The following ZNF441 variants were observed in gnomAD, a reference collection of about 807,000 sequenced individuals.
ZNF441 encodes the protein zinc finger protein 441.
Under a neutral mutation model 64.5 loss-of-function variants are expected in ZNF441, and 25 were observed. That is an observed-to-expected ratio of 0.39 (90% CI 0.28 to 0.54). The LOEUF (loss-of-function observed/expected upper bound fraction) is 0.54, where lower values mean the gene tolerates loss of function less well. Among genes scored for constraint, ZNF441 ranks in the 20% least tolerant of loss-of-function variants. The pLI, the probability that ZNF441 is intolerant of heterozygous loss-of-function variation, is 0.70. For missense variants in ZNF441, 715 were observed against 843.3 expected (o/e 0.85, Z 1.88); for synonymous variants, 262 against 268.0 (o/e 0.98, Z 0.22).
In ZNF441 at chr19:11,779,354, G is replaced by A. The variant is rs1427636213; in HGVS notation, c.195-665G>A. 1.3e-5 allele frequency among the ~76,000 whole-genome samples: 2 copies of A among 149,134 alleles called. 1 individual carries two copies. ...AAAAAAAAAGAAAAAGAAAAAGAAA[G>A]GCTGGGTATGGTGGCTCACCCTTGT... On this transcript the variant is annotated intron_variant, in intron 3 of 3. Coordinates refer to ENST00000357901, the MANE Select transcript of ZNF441 (RefSeq NM_152355.3).
rs1177459230 is a variant in ZNF441 at position 11,783,530 on chromosome 19, C to T, written c.*1624C>T. ...AAAGATATGGAATTAACCTAAGCAT[C>T]CATCAGTGGACACAGGGATAAAGAA... On this transcript the variant is annotated 3_prime_UTR_variant, in exon 4 of 4. Transcript: ENST00000357901. 6.6e-6 allele frequency: 1 copy of T among 152,152 alleles called. No individual in the cohort carries two copies. Among genetic ancestry groups the T allele is most frequent in the Non-Finnish European group, 1.5e-5 (1 of 68,030 alleles). The allele number at this position is 152,152 out of a possible 1,614,324, so 9.4% of individuals were successfully genotyped here. A position where few individuals can be genotyped will look rare whatever the true frequency, so the allele number is the denominator to read the frequency against.
chr19:11,769,492 A>G (rs1046374175), intron 1 of ZNF441, among the ~76,000 whole-genome samples: 3 of 152,136 alleles, frequency 2.0e-5, no homozygotes, highest in African/African-American at 7.2e-5. Flanking sequence ...CCTGATTACT[A>G]TAGTCTTCAA....
intron 1 of ZNF441, among the ~76,000 whole-genome samples, chr19:11,774,218 A>G (rs1245272539): frequency 1.3e-5 from 2 of 152,176 alleles, no homozygotes; most frequent in East Asian, 1.9e-4. Context: ...GAATTCCTCT[A>G]TTGTATTGCC....
intron 1 of ZNF441, among the ~76,000 whole-genome samples, chr19:11,776,532 A>G (rs1163476164): frequency 1.3e-5 from 2 of 152,220 alleles, no homozygotes; most frequent in East Asian, 3.8e-4. Flanking sequence ...GGGAAATATT[A>G]TAGATATTCA....
In ZNF441 at chr19:11,781,465, A is replaced by C; in HGVS notation, c.1641A>C (p.Gln547His). The change falls in exon 4 of 4, where the codon CAA becomes CAC. Residue 547 changes from glutamine (Q) to histidine (H), a missense_variant. This residue lies in a region of ZNF441 where 316 missense variants were observed against 429.3 expected (regional missense o/e 0.74). Coordinates refer to ENST00000357901, the MANE Select transcript of ZNF441 (RefSeq NM_152355.3). ...GCTTCAGGTCTTCCAGTTACATTCA[A>C]CTACATGAAAGGACTCACACTGGAG... ...GKGFRSSSYI[Q>H]LHERTHTGEK... 6.2e-7 allele frequency: 1 copy of C among 1,614,132 alleles called. No homozygotes were observed. Among genetic ancestry groups the C allele is most frequent in the Non-Finnish European group, 8.5e-7 (1 of 1,180,006 alleles).
rs1278416431 is a variant in ZNF441 at position 11,781,544 on chromosome 19, T to G, written c.1720T>G (p.Phe574Val). ...CGKALSDLSS[F>V]RRHMITHTGN... ...GAAAGCATTATCTGATCTCTCAAGC[T>G]TTCGAAGACACATGATAACACATAC... The change falls in exon 4 of 4, where the codon TTT becomes GTT. Residue 574 changes from phenylalanine to valine, a missense_variant. Transcript: ENST00000357901. The G allele has an allele frequency of 3.7e-6, 6 of 1,613,944 alleles. No individual in the cohort carries two copies. The African/African-American group carries it at 8.0e-5, about 22-fold the overall frequency.
intron 1 of ZNF441, among the ~76,000 whole-genome samples, chr19:11,773,382 A>G (rs559032807): frequency 2.0e-5 from 3 of 152,332 alleles, no homozygotes; most frequent in East Asian, 1.9e-4. Context: ...CTATCTTGGT[A>G]TATACTTCAT....
At position 11,767,102 on chromosome 19, in the gene ZNF441, G is replaced by A. The variant is rs1975276167; in HGVS notation, c.-92G>A. ...GCTCCGGGTTCTGTCACTGAGAGAC[G>A]CCCTGGAACGTCTGTGGCAGCTTCT... On this transcript the variant is annotated 5_prime_UTR_variant, in exon 1 of 4. Coordinates refer to ENST00000357901, the MANE Select transcript of ZNF441 (RefSeq NM_152355.3). This position sits in a 1 kb window ranked among gnomAD's most constrained non-coding sequence, Gnocchi z 5.1. 1 of 1,544,086 alleles carries A rather than the reference G, an allele frequency of 6.5e-7. No individual in the cohort carries two copies. The highest frequency in any genetic ancestry group is 8.8e-7 in the Non-Finnish European group (1 of 1,140,544).
At chr19:11,768,563 G>T (rs1290472833) in intron 1 of ZNF441, among the ~76,000 whole-genome samples, 1 of 152,178 alleles carries the variant, frequency 6.6e-6, no homozygotes, top group Non-Finnish European at 1.5e-5. Context: ...TTTCAGAGCT[G>T]CCTGGGGCCA....
chr19:11,781,322 G>A lies in ZNF441; in HGVS notation c.1498G>A (p.Asp500Asn), dbSNP rs145691237. The stretch of plus-strand genomic sequence containing the variant: ...GAGACACATGATAATGCACACTGGA[G>A]ATGGACCTCATAAATGTAAGATATG... ...FQRHMIMHTGDGPHKCKICGK... is the reference protein window; with the variant it reads ...FQRHMIMHTGNGPHKCKICGK... Residue 500 changes from aspartate (D) to asparagine (N), a missense_variant, in exon 4 of 4, where the codon GAT becomes AAT. Physicochemically the swap from Asp to Asn is conservative, Grantham distance 23. Transcript: ENST00000357901. 74 of 1,613,704 alleles carry A rather than the reference G, an allele frequency of 4.6e-5. No homozygotes were observed. In the East Asian group the frequency reaches 1.6e-3, roughly 35 times the overall value.
Position 11,781,809 on chromosome 19 carries a change from A to T in ZNF441, c.1985A>T (p.Glu662Val). The part of the protein sequence containing the change: ...FHCPSAFHKH[E>V]RTHSMEKPYK... ...TGTCCCAGTGCCTTTCATAAACATGAAAGGACCCACAGTATGGAGAAACCC... is the reference window on the plus strand; with the variant it reads ...TGTCCCAGTGCCTTTCATAAACATGTAAGGACCCACAGTATGGAGAAACCC... Residue 662 changes from glutamate to valine, a missense_variant, in exon 4 of 4, where the codon GAA (glutamate) becomes GTA (valine). By Grantham distance (121) the Glu-to-Val change is moderately radical. Transcript: ENST00000357901. The T allele has an allele frequency of 6.2e-7, 1 of 1,614,090 alleles. No homozygotes were observed. Among genetic ancestry groups the T allele is most frequent in the Non-Finnish European group, 8.5e-7 (1 of 1,179,948 alleles).
intron 3 of ZNF441, 74 bp from the exon 4 acceptor site, chr19:11,779,945 T>A: frequency 8.0e-7 from 1 of 1,250,374 alleles, no homozygotes; most frequent in Non-Finnish European, 1.1e-6. Context: ...AGAAAAGAAA[T>A]GTAAATCCAA....
Position 11,781,050 on chromosome 19 carries a change from A to G in ZNF441, c.1226A>G (p.His409Arg). Reference sequence around the variant, plus strand: ...AGTGATTTCTATTACTTTCGAAATCATGAAACTACTCACACTGGAGAGAAG... The same window carrying G: ...AGTGATTTCTATTACTTTCGAAATCGTGAAACTACTCACACTGGAGAGAAG... ...AFSDFYYFRN[H>R]ETTHTGEKPY... Residue 409 changes from histidine to arginine, a missense_variant, in exon 4 of 4, where the codon CAT becomes CGT. Around this residue, in one of 2 missense-constraint regions of ZNF441, gnomAD observed 316 missense variants for 429.3 expected, o/e 0.74. Transcript: ENST00000357901. 6.2e-7 allele frequency: 1 copy of G among 1,614,156 alleles called. No homozygotes were observed.
In ZNF441 at chr19:11,767,230, AGAG is replaced by A; in HGVS notation, c.3+38_3+40del. 2 of 1,556,132 alleles carry A rather than the reference AGAG, an allele frequency of 1.3e-6. No homozygotes were observed. The highest frequency in any genetic ancestry group is 8.7e-7 in the Non-Finnish European group (1 of 1,149,662). On this transcript the variant is annotated intron_variant, in intron 1 of 3. Coordinates refer to ENST00000357901, the MANE Select transcript of ZNF441 (RefSeq NM_152355.3). The surrounding 1 kb of genome is among the most constrained non-coding windows in gnomAD (Gnocchi z 5.1). ...GTGAGGTCTGGTGTCCCGACGCGTG[AGAG>A]GAGAGACTGGTTGGAACCGGCCGGA... is the stretch of plus-strand genomic sequence containing the variant.
intron 2 of ZNF441, chr19:11,778,044 G>C: frequency 2.4e-6 from 1 of 412,632 alleles, no homozygotes; most frequent in Non-Finnish European, 4.3e-6. Flanking sequence ...TAGGTAAGTG[G>C]AACATTATTT....
rs1160879768 is a variant in ZNF441 at position 11,767,894 on chromosome 19, CT to C, written c.3+699del. Among the ~76,000 whole-genome samples the C allele has an allele frequency of 6.6e-6, 1 of 152,214 alleles. No individual in the cohort carries two copies. The highest frequency in any genetic ancestry group is 1.5e-5 in the Non-Finnish European group (1 of 68,034). On this transcript the variant is annotated intron_variant, in intron 1 of 3. Transcript: ENST00000357901. This position sits in a 1 kb window ranked among gnomAD's most constrained non-coding sequence, Gnocchi z 5.1. ...GAGGCGGCCCCGCGAGGCAGCGGGG[CT>C]GAGGGCACCTGGTTAATATCTAACT...
At chr19:11,777,294 A>G (rs1053378370) in intron 1 of ZNF441, among the ~76,000 whole-genome samples, 2 of 151,940 alleles carry the variant, frequency 1.3e-5, no homozygotes, top group African/African-American at 4.9e-5. Context: ...AATAGGTAGT[A>G]GGACTTTGTC....
At chr19:11,775,696 C>T (rs1410423574) in intron 1 of ZNF441, among the ~76,000 whole-genome samples, 2 of 143,666 alleles carry the variant, frequency 1.4e-5, no homozygotes, top group African/African-American at 2.7e-5. Flanking sequence ...GGCTCAATCT[C>T]GGCTCACTGC....
chr19:11,780,544 A>G lies in ZNF441; in HGVS notation c.720A>G (p.Leu240=). 1 of 1,614,180 alleles carries G rather than the reference A, an allele frequency of 6.2e-7. No individual in the cohort carries two copies. ...CGTTTCCTGCTTATAGTTCCACTCT[A>G]AGACATGAAAGAACACACAGTGGAG... ...STAFPAYSST[L]RHERTHSGEK... Residue 240 remains leucine (L), a synonymous_variant, in exon 4 of 4, where the codon CTA becomes CTG. Coordinates refer to ENST00000357901, the MANE Select transcript of ZNF441 (RefSeq NM_152355.3).
Sources: gnomAD v4.1 joint callset for allele counts (sites outside exome capture counted in the v4.1 genomes callset) on GRCh38, gnomAD v4.1.1 for gene constraint, gnomAD v4.1.1 regional missense constraint, Gnocchi (gnomAD v3.1) non-coding constraint, MANE v1.5 for transcripts, NCBI Gene and HGNC (gene_info 2026-07-23, HGNC 2026-07-21) for gene names.